The following ARL13B variants were observed in gnomAD, a reference collection of about 807,000 sequenced individuals.
The protein encoded by ARL13B is ADP-ribosylation factor-like protein 13B.
ARL13B carries 36 observed loss-of-function variants against 56.1 expected under a neutral mutation model. That is an observed-to-expected ratio of 0.64 (90% confidence interval 0.49 to 0.85). The LOEUF (loss-of-function observed/expected upper bound fraction) is 0.85, where lower values mean the gene tolerates loss of function less well. Ranked by LOEUF, ARL13B falls within the 40% of genes least tolerant of loss-of-function variation. The pLI is 0.00. For synonymous variants in ARL13B, 178 were observed against 171.1 expected (o/e 1.04, Z -0.32); for missense variants, 519 against 507.1 (o/e 1.02, Z -0.23).
At position 94,029,338 on chromosome 3, in the gene ARL13B, A is replaced by ATT. The variant is rs1272624458; in HGVS notation, c.381-5984_381-5983dup. ...TATATATATATATATATATATATTTATTTTTTTTTTATTTTTTTTTTTTTT... is the reference window on the plus strand; with the variant it reads ...TATATATATATATATATATATATTTATTTTTTTTTTTTATTTTTTTTTTTTTT... On this transcript the variant is annotated intron_variant, in intron 3 of 9. Coordinates refer to ENST00000394222, the MANE Select transcript of ARL13B (RefSeq NM_001174150.2). Among the ~76,000 whole-genome samples, 162 of 58,960 alleles carry ATT rather than the reference A, an allele frequency of 2.7e-3. 1 individual carries two copies. The highest frequency in any genetic ancestry group is 3.7e-3 in the East Asian group (9 of 2,442). The allele number at this position is 58,960 out of a possible 152,430, so 38.7% of individuals were successfully genotyped here.
chr3:93,990,984 A>T (rs2075865722), intron 1 of ARL13B, among the ~76,000 whole-genome samples: 1 of 152,154 alleles, frequency 6.6e-6, no homozygotes, highest in African/African-American at 2.4e-5. Flanking sequence ...TTATCATCTT[A>T]CATATATAGC....
At chr3:94,014,769 T>A in intron 3 of ARL13B, 1 of 1,613,752 alleles carries the variant, frequency 6.2e-7, no homozygotes, top group Non-Finnish European at 8.5e-7. Context: ...CAAGCTGACG[T>A]AAAATAAATG....
At chr3:94,018,458 T>G (rs1299211429) in intron 3 of ARL13B, among the ~76,000 whole-genome samples, 1 of 152,168 alleles carries the variant, frequency 6.6e-6, no homozygotes, top group Non-Finnish European at 1.5e-5. Flanking sequence ...TCTTCCTTTA[T>G]CACTATTTTC....
At chr3:94,017,488 G>T (rs2076357281) in intron 3 of ARL13B, among the ~76,000 whole-genome samples, 1 of 152,108 alleles carries the variant, frequency 6.6e-6, no homozygotes, top group African/African-American at 2.4e-5. Flanking sequence ...GCCTGTTTTG[G>T]GTAAAAGGTT....
intron 3 of ARL13B, among the ~76,000 whole-genome samples, chr3:94,029,321 T>C (rs1576012941): frequency 2.0e-5 from 2 of 100,792 alleles, no homozygotes; most frequent in Admixed American, 2.1e-4. Context: ...TATATATATA[T>C]ATATATATAT....
At chr3:94,028,839 C>G (rs1013458435) in intron 3 of ARL13B, among the ~76,000 whole-genome samples, 1 of 151,960 alleles carries the variant, frequency 6.6e-6, no homozygotes, top group African/African-American at 2.4e-5. Flanking sequence ...TCAAAACTTA[C>G]TAAAAATATG....
At position 94,041,591 on chromosome 3, in the gene ARL13B, T is replaced by G. The variant is rs2076862900; in HGVS notation, c.799-1424T>G. ...TTTTTAAAGAGCTATTCTACAAAGT[T>G]AAAAAGCAAAAATGAAAAGAAGTAA... On this transcript the variant is annotated intron_variant, in intron 6 of 9. Coordinates refer to ENST00000394222, the MANE Select transcript of ARL13B (RefSeq NM_001174150.2). Among the ~76,000 whole-genome samples, 6 of 152,146 alleles carry G rather than the reference T, an allele frequency of 3.9e-5. No homozygotes were observed. In the South Asian group the frequency reaches 1.2e-3, roughly 32 times the overall value.
intron 3 of ARL13B, among the ~76,000 whole-genome samples, chr3:94,013,172 A>G (rs1342646739): frequency 6.6e-6 from 1 of 152,014 alleles, no homozygotes; most frequent in Non-Finnish European, 1.5e-5. Flanking sequence ...CCTCCCTTGT[A>G]CTCATTCAGA....
chr3:93,989,362 AGC>A (rs1450539738), intron 1 of ARL13B, among the ~76,000 whole-genome samples: 2 of 152,104 alleles, frequency 1.3e-5, no homozygotes, highest in Non-Finnish European at 2.9e-5. Context: ...GGCACTACAG[AGC>A]TGATAAAGAG....
intron 3 of ARL13B, among the ~76,000 whole-genome samples, chr3:94,009,967 G>GC (rs990319187): frequency 1.8e-4 from 27 of 152,120 alleles, no homozygotes; most frequent in African/African-American, 6.5e-4. Context: ...AAACTCTTTG[G>GC]CAGTGTTACT....
chr3:94,038,730 T>C (rs2076812639), intron 5 of ARL13B, among the ~76,000 whole-genome samples: 1 of 151,874 alleles, frequency 6.6e-6, no homozygotes, highest in Admixed American at 6.6e-5. Flanking sequence ...ACCATGTTGA[T>C]TAGGCTGGTC....
chr3:93,996,433 C>G (rs189636908), intron 2 of ARL13B: 24 of 180,574 alleles, frequency 1.3e-4, no homozygotes, highest in African/African-American at 5.0e-4. Flanking sequence ...TTATATCATA[C>G]GTACTGCATC....
intron 1 of ARL13B, among the ~76,000 whole-genome samples, chr3:93,985,354 A>G (rs1427604182): frequency 6.6e-6 from 1 of 152,158 alleles, no homozygotes; most frequent in Admixed American, 6.5e-5. Context: ...CATCTAGGTG[A>G]TGAAATAGTG....
At chr3:94,023,430 T>A (rs929015539) in intron 3 of ARL13B, among the ~76,000 whole-genome samples, 4 of 152,168 alleles carry the variant, frequency 2.6e-5, no homozygotes. Flanking sequence ...TTGATGCATT[T>A]ATTTGGTAAA....
intron 3 of ARL13B, among the ~76,000 whole-genome samples, chr3:94,025,508 G>A (rs1302172260): frequency 6.6e-6 from 1 of 152,142 alleles, no homozygotes; most frequent in Non-Finnish European, 1.5e-5. Context: ...TAGTTTCTTA[G>A]GAGTAAATTC....
chr3:93,982,516 G>A (rs1427476046), intron 1 of ARL13B, among the ~76,000 whole-genome samples: 1 of 152,194 alleles, frequency 6.6e-6, no homozygotes, highest in African/African-American at 2.4e-5. Flanking sequence ...ATTACATGTT[G>A]AAATGATAAC....
chr3:94,039,748 T>C, intron 5 of ARL13B, 132 bp from the exon 6 acceptor site: 3 of 721,926 alleles, frequency 4.2e-6, no homozygotes, highest in Non-Finnish European at 6.9e-6. Flanking sequence ...TTTGAAATGC[T>C]CTCAGTAATT....
intron 7 of ARL13B, among the ~76,000 whole-genome samples, chr3:94,044,779 G>A (rs1282461157): frequency 6.7e-6 from 1 of 148,332 alleles, no homozygotes; most frequent in African/African-American, 2.5e-5. Context: ...CGAATGGGAA[G>A]TGAGGAGCGC....
intron 2 of ARL13B, among the ~76,000 whole-genome samples, chr3:94,001,760 C>T (rs1315935994): frequency 3.3e-5 from 5 of 152,170 alleles, no homozygotes; most frequent in Non-Finnish European, 5.9e-5. Context: ...CTTATTCCTA[C>T]TTCAGCATAG....
Sources: allele counts gnomAD v4.1 joint callset (sites outside exome capture counted in the v4.1 genomes callset), GRCh38; gene constraint gnomAD v4.1.1; transcripts MANE v1.5; gene names NCBI Gene and HGNC (gene_info 2026-07-23, HGNC 2026-07-21).